The following ZEB2 variants were observed in gnomAD, a reference collection of about 807,000 sequenced individuals.
ZEB2 encodes the protein zinc finger E-box binding homeobox 2, also known as zinc finger E-box-binding homeobox 2.
ZEB2 carries 6 observed loss-of-function variants against 99.9 expected under a neutral mutation model. That is an observed-to-expected ratio of 0.06 (90% CI 0.03 to 0.12). The LOEUF is 0.12. Among genes scored for constraint, ZEB2 ranks in the 10% least tolerant of loss-of-function variants. The probability of loss-of-function intolerance (pLI) is 1.00; values close to 1 mark genes in which losing one functional copy is unlikely to be tolerated. For missense variants in ZEB2, 969 were observed against 1,502.8 expected, an observed-to-expected ratio of 0.64 and a Z score of 5.87; for synonymous variants, 517 against 542.5, an observed-to-expected ratio of 0.95 and a Z score of 0.65.
intron 4 of ZEB2, among the ~76,000 whole-genome samples, chr2:144,424,593 G>T (rs887293229): frequency 3.3e-5 from 5 of 152,120 alleles, no homozygotes; most frequent in African/African-American, 2.4e-5. Flanking sequence ...GTAAATTAGG[G>T]GTGTGAGAAT....
intron 2 of ZEB2, among the ~76,000 whole-genome samples, chr2:144,510,863 C>T (rs1269059798): frequency 6.6e-6 from 1 of 152,134 alleles, no homozygotes; most frequent in East Asian, 1.9e-4. Context: ...GGGAGAGACA[C>T]AGCGGATCAG....
chr2:144,398,210 T>G, intron 8 of ZEB2, 91 bp downstream of exon 8: 3 of 1,538,664 alleles, frequency 1.9e-6, no homozygotes, highest in Non-Finnish European at 2.6e-6. Flanking sequence ...TCTGCTGAGT[T>G]TTTTCACTAA....
At chr2:144,420,836 T>C (rs1037588938) in intron 4 of ZEB2, among the ~76,000 whole-genome samples, 1 of 152,112 alleles carries the variant, frequency 6.6e-6, no homozygotes, top group African/African-American at 2.4e-5. Context: ...CACCAAGGGA[T>C]TTGGTCTGAC....
At chr2:144,519,694 G>C (rs1705234164) in intron 1 of ZEB2, 1 of 307,208 alleles carries the variant, frequency 3.3e-6, no homozygotes, top group Non-Finnish European at 6.3e-6. Flanking sequence ...AAATTATTTG[G>C]GGGAGGGAAA....
intron 4 of ZEB2, among the ~76,000 whole-genome samples, chr2:144,417,047 G>C (rs963762177): frequency 6.6e-6 from 1 of 152,180 alleles, no homozygotes; most frequent in Non-Finnish European, 1.5e-5. Context: ...GTCTACCACT[G>C]TTTTATTCAC....
Position 144,399,271 on chromosome 2 carries a change from A to G in ZEB2, c.1916T>C (p.Val639Ala), listed in dbSNP as rs780637261. ...VDNKALLLSSVLSEKGMTSPI... is the reference protein window; with the variant it reads ...VDNKALLLSSALSEKGMTSPI... ...GCTTGTCATTCCTTTCTCAGAAAGTACAGATGACAAGAGGAGGGCTTTATT... is the reference window on the plus strand; with the variant it reads ...GCTTGTCATTCCTTTCTCAGAAAGTGCAGATGACAAGAGGAGGGCTTTATT... The change falls in exon 8 of 10, where the codon GTA becomes GCA. Residue 639 changes from valine (V) to alanine (A), a missense_variant. Val to Ala is a moderately conservative substitution (Grantham distance 64). This residue lies in a region of ZEB2 where 346 missense variants were observed against 460.0 expected (regional missense o/e 0.75). Transcript: ENST00000627532. The surrounding 1 kb of genome is among the most constrained non-coding windows in gnomAD (Gnocchi z 5.6). 6.2e-6 allele frequency: 10 copies of G among 1,614,166 alleles called. No homozygotes were observed. The highest frequency in any genetic ancestry group is 8.5e-6 in the Non-Finnish European group (10 of 1,180,024).
rs913369038 is a variant in ZEB2 at position 144,385,190 on chromosome 2, A to C, written c.*4261T>G. 1 of 152,048 alleles carries C rather than the reference A, an allele frequency of 6.6e-6. No homozygotes were observed. The highest frequency in any genetic ancestry group is 2.4e-5 in the African/African-American group (1 of 41,408). 9.4% of individuals were successfully genotyped at this position (152,048 alleles called of 1,614,324 possible). A position where few individuals can be genotyped will look rare whatever the true frequency, so the allele number is the denominator to read the frequency against. On this transcript the variant is annotated 3_prime_UTR_variant, in exon 10 of 10. Transcript: ENST00000627532. ...CCTTGATGTAAGGTGTCTAGAAAGA[A>C]CTCTTCTGCTCTTGAAATATAGAGA...
chr2:144,472,846 GA>G (rs34678347), intron 2 of ZEB2, among the ~76,000 whole-genome samples: 118,569 of 151,932 alleles, frequency 0.78, 46,656 homozygotes, highest in Non-Finnish European at 0.83. Flanking sequence ...CAAAAAGAAA[GA>G]AAAAAAGATT....
intron 8 of ZEB2, 133 bp from the exon 9 acceptor site, chr2:144,396,725 C>T: frequency 1.1e-6 from 1 of 923,178 alleles, no homozygotes; most frequent in Non-Finnish European, 1.7e-6. Context: ...TTTTTTTTTC[C>T]ATGAACAATA....
chr2:144,411,940 T>C (rs1278506826), intron 4 of ZEB2, among the ~76,000 whole-genome samples: 2 of 152,250 alleles, frequency 1.3e-5, no homozygotes, highest in Non-Finnish European at 2.9e-5. Context: ...TGCTGTGTAT[T>C]GGCACAGAAT....
intron 2 of ZEB2, among the ~76,000 whole-genome samples, chr2:144,488,205 T>C (rs1404272311): frequency 6.6e-6 from 1 of 152,220 alleles, no homozygotes; most frequent in Admixed American, 6.5e-5. Context: ...GCTTATATTT[T>C]GCACAATTTT....
chr2:144,513,418 A>G lies in ZEB2; in HGVS notation c.73+3860T>C, dbSNP rs747303012. 29 of 1,393,144 alleles carry G rather than the reference A, an allele frequency of 2.1e-5. No homozygotes were observed. The South Asian group carries it at 3.3e-4, about 16-fold the overall frequency. 86.3% of individuals were successfully genotyped at this position (1,393,144 alleles called of 1,614,324 possible). On this transcript the variant is annotated intron_variant, in intron 2 of 9. Coordinates refer to ENST00000627532, the MANE Select transcript of ZEB2 (RefSeq NM_014795.4). ...TCCTTCACACTGTCCCCAACCCTTT[A>G]GTGGAAACTCTGGAGAAAAATCAAA...
At position 144,483,391 on chromosome 2, in the gene ZEB2, C is replaced by T. The variant is rs528254726; in HGVS notation, c.73+33887G>A. Among the ~76,000 whole-genome samples, 3 of 152,280 alleles carry T rather than the reference C, an allele frequency of 2.0e-5. No individual in the cohort carries two copies. In the South Asian group the frequency reaches 6.2e-4, roughly 32 times the overall value. ...ATCAAATGAGATATTTTTGTCAATGCACCTTGTACAATATTAAACACTCTA... is the reference window on the plus strand; with the variant it reads ...ATCAAATGAGATATTTTTGTCAATGTACCTTGTACAATATTAAACACTCTA... On this transcript the variant is annotated intron_variant, in intron 2 of 9. Transcript: ENST00000627532.
chr2:144,487,904 T>G (rs1704621450), intron 2 of ZEB2, among the ~76,000 whole-genome samples: 1 of 152,198 alleles, frequency 6.6e-6, no homozygotes, highest in African/African-American at 2.4e-5. Context: ...CTTTTTTTCT[T>G]TATATAGGAT....
intron 2 of ZEB2, among the ~76,000 whole-genome samples, chr2:144,448,135 C>T (rs1025068495): frequency 6.6e-6 from 1 of 152,186 alleles, no homozygotes; most frequent in Admixed American, 6.5e-5. Context: ...AGTTCCGTAT[C>T]ATTCTTTCAC....
chr2:144,505,618 G>A (rs1276631389), intron 2 of ZEB2, among the ~76,000 whole-genome samples: 1 of 152,184 alleles, frequency 6.6e-6, no homozygotes, highest in African/African-American at 2.4e-5. Context: ...TGGGCTGGGA[G>A]TGGGGGGTGT....
intron 2 of ZEB2, chr2:144,496,226 A>G (rs1227130001): frequency 6.6e-6 from 1 of 152,160 alleles, no homozygotes; most frequent in Non-Finnish European, 1.5e-5. Context: ...CAAAAGGATT[A>G]TTTTCATCTG....
At chr2:144,486,586 G>A (rs945031688) in intron 2 of ZEB2, among the ~76,000 whole-genome samples, 1 of 151,954 alleles carries the variant, frequency 6.6e-6, no homozygotes, top group Non-Finnish European at 1.5e-5. Flanking sequence ...ATATTTTACT[G>A]AAATGTCTCA....
chr2:144,469,576 C>G (rs920204701), intron 2 of ZEB2, among the ~76,000 whole-genome samples: 1 of 152,168 alleles, frequency 6.6e-6, no homozygotes, highest in Non-Finnish European at 1.5e-5. Context: ...GAGACAAAGG[C>G]AGAGCAGTAA....
Sources: gnomAD v4.1 joint callset for allele counts (sites outside exome capture counted in the v4.1 genomes callset) on GRCh38, gnomAD v4.1.1 for gene constraint, gnomAD v4.1.1 regional missense constraint, Gnocchi (gnomAD v3.1) non-coding constraint, MANE v1.5 for transcripts, NCBI Gene and HGNC (gene_info 2026-07-23, HGNC 2026-07-21) for gene names.